Variants in PDE10A observed in about 807,000 individuals in gnomAD.
PDE10A encodes the protein cAMP and cAMP-inhibited cGMP 3',5'-cyclic phosphodiesterase 10A.
PDE10A carries 39 observed loss-of-function variants against 97.7 expected under a neutral mutation model. That is an observed-to-expected ratio of 0.40 (90% CI 0.31 to 0.52). PDE10A has a LOEUF of 0.52. Ranked by LOEUF, PDE10A falls within the 20% of genes least tolerant of loss-of-function variation. The pLI, the probability that PDE10A is intolerant of heterozygous loss-of-function variation, is 0.56. For missense variants in PDE10A, 731 were observed against 1,047.8 expected (o/e 0.70, Z 4.17); for synonymous variants, 371 against 376.8 (o/e 0.98, Z 0.18).
At chr6:165,829,973 A>G (rs1357789860) in intron 1 of PDE10A, among the ~76,000 whole-genome samples, 1 of 152,202 alleles carries the variant, frequency 6.6e-6, no homozygotes, top group African/African-American at 2.4e-5. Flanking sequence ...AACTGTACAC[A>G]GGCGAAGTTA....
At chr6:165,435,993 C>T (rs981254084) in intron 5 of PDE10A, among the ~76,000 whole-genome samples, 2 of 152,080 alleles carry the variant, frequency 1.3e-5, no homozygotes, top group African/African-American at 4.8e-5. Flanking sequence ...AAGGTAATGT[C>T]CTGAAACTAT....
In PDE10A at chr6:165,615,361, G is replaced by A. The variant is rs540204658; in HGVS notation, c.865+46586C>T. On this transcript the variant is annotated intron_variant, in intron 1 of 21. Transcript: ENST00000539869. ...TGTACATCCTATCAATTTCAATGTC[G>A]GTTTTCTAGAAACACATTTTATTCA... 1.4e-3 allele frequency among the ~76,000 whole-genome samples: 220 copies of A among 151,878 alleles called. 1 individual carries two copies. The highest frequency in any genetic ancestry group is 2.5e-3 in the African/African-American group (104 of 41,404).
chr6:165,652,356 T>TG, intron 1 of PDE10A, among the ~76,000 whole-genome samples: 1 of 137,076 alleles, frequency 7.3e-6, no homozygotes, highest in East Asian at 2.0e-4. Context: ...TCCCGGGCTA[T>TG]TTTTTTTTTT....
intron 1 of PDE10A, among the ~76,000 whole-genome samples, chr6:165,641,096 AGGGAT>A (rs1468590341): frequency 6.6e-6 from 1 of 152,226 alleles, no homozygotes; most frequent in African/African-American, 2.4e-5. Flanking sequence ...ACCACAGAAG[AGGGAT>A]GGACCCAAGA....
intron 1 of PDE10A, among the ~76,000 whole-genome samples, chr6:165,699,603 C>T (rs1400596758): frequency 2.0e-5 from 3 of 152,054 alleles, no homozygotes; most frequent in African/African-American, 7.2e-5. Context: ...AAAAATAATC[C>T]CAATAAATTT....
At chr6:165,446,686 T>C (rs555801128) in intron 5 of PDE10A, among the ~76,000 whole-genome samples, 7 of 152,248 alleles carry the variant, frequency 4.6e-5, no homozygotes, top group Admixed American at 3.9e-4. Context: ...ACTTATATAA[T>C]GTTGAGAAAG....
chr6:165,664,446 A>G (rs1790444745), upstream of PDE10A, among the ~76,000 whole-genome samples: 1 of 152,102 alleles, frequency 6.6e-6, no homozygotes, highest in Non-Finnish European at 1.5e-5. Flanking sequence ...CCCCCAGTAA[A>G]GTCCACAGAC....
At chr6:165,945,923 A>G (rs1417425203) in intron 1 of PDE10A, among the ~76,000 whole-genome samples, 1 of 152,220 alleles carries the variant, frequency 6.6e-6, no homozygotes, top group Non-Finnish European at 1.5e-5. Context: ...CAACTGTAAA[A>G]ATGCCATGCA....
At chr6:165,934,681 C>G (rs1274972047) in intron 1 of PDE10A, among the ~76,000 whole-genome samples, 2 of 152,116 alleles carry the variant, frequency 1.3e-5, no homozygotes, top group African/African-American at 4.8e-5. Flanking sequence ...GATACTTATC[C>G]AGTTCTTAGG....
At chr6:165,544,178 T>A (rs1263557190) in intron 1 of PDE10A, among the ~76,000 whole-genome samples, 2 of 152,068 alleles carry the variant, frequency 1.3e-5, no homozygotes, top group Non-Finnish European at 2.9e-5. Flanking sequence ...ATGAATACAT[T>A]ATTATCTTTT....
chr6:165,770,736 G>T (rs1378477707), intron 1 of PDE10A, among the ~76,000 whole-genome samples: 2 of 152,186 alleles, frequency 1.3e-5, no homozygotes, highest in East Asian at 1.9e-4. Flanking sequence ...CTTCAAGCTG[G>T]TCTCTAAACC....
At chr6:165,402,560 A>G (rs573291) in intron 13 of PDE10A, among the ~76,000 whole-genome samples, 27,976 of 152,124 alleles carry the variant, frequency 0.18, 3,071 homozygotes, top group African/African-American at 0.3. Context: ...CACTGCGTAA[A>G]TAATCTTGGA....
chr6:165,517,246 A>C (rs1054783498), intron 2 of PDE10A, among the ~76,000 whole-genome samples: 1 of 152,194 alleles, frequency 6.6e-6, no homozygotes, highest in South Asian at 2.1e-4. Context: ...AGTAAAATAA[A>C]TATGAAATAG....
At chr6:165,842,919 A>G (rs1199297085) in intron 1 of PDE10A, among the ~76,000 whole-genome samples, 1 of 152,204 alleles carries the variant, frequency 6.6e-6, no homozygotes, top group African/African-American at 2.4e-5. Flanking sequence ...CCACTTCCTC[A>G]ATAAAACTGG....
chr6:165,943,911 C>T (rs751775249), intron 1 of PDE10A, among the ~76,000 whole-genome samples: 13 of 152,310 alleles, frequency 8.5e-5, no homozygotes, highest in South Asian at 2.1e-4. Context: ...TGCCACCAAC[C>T]GGCTGCACAG....
chr6:165,659,523 T>A (rs976264653), intron 1 of PDE10A, among the ~76,000 whole-genome samples: 1 of 152,246 alleles, frequency 6.6e-6, no homozygotes, highest in Non-Finnish European at 1.5e-5. Flanking sequence ...TACTCTCTTT[T>A]AATAATCTAT....
intron 1 of PDE10A, among the ~76,000 whole-genome samples, chr6:165,728,207 C>T (rs2128450310): frequency 6.6e-6 from 1 of 152,292 alleles, no homozygotes; most frequent in South Asian, 2.1e-4. Flanking sequence ...AGGTAGGGCC[C>T]CTAGTCATGC....
chr6:165,819,101 T>C lies in PDE10A; in HGVS notation c.-615+168428A>G, dbSNP rs1489946803. ...TCCTGTGTGCCCACTGGCTGCTGGATCCTGCAGGCATCTCAAACTCAGTAT... is the reference window on the plus strand; with the variant it reads ...TCCTGTGTGCCCACTGGCTGCTGGACCCTGCAGGCATCTCAAACTCAGTAT... On this transcript the variant is annotated intron_variant, in intron 1 of 19. Transcript: ENST00000366882. The surrounding 1 kb of genome is among the most constrained non-coding windows in gnomAD (Gnocchi z 4.2). Among the ~76,000 whole-genome samples, 1 of 152,260 alleles carries C rather than the reference T, an allele frequency of 6.6e-6. No homozygotes were observed. Among genetic ancestry groups the C allele is most frequent in the East Asian group, 1.9e-4 (1 of 5,176 alleles).
chr6:165,902,866 T>C (rs1047583197), intron 1 of PDE10A, among the ~76,000 whole-genome samples: 3 of 152,246 alleles, frequency 2.0e-5, no homozygotes, highest in Admixed American at 6.5e-5. Context: ...GAAAAGGTCC[T>C]GGGTACGTGA....
Sources: allele counts gnomAD v4.1 joint callset (sites outside exome capture counted in the v4.1 genomes callset), GRCh38; gene constraint gnomAD v4.1.1; non-coding constraint Gnocchi (gnomAD v3.1); transcripts MANE v1.5; gene names NCBI Gene and HGNC (gene_info 2026-07-23, HGNC 2026-07-21).